Variants in NAALADL2 observed in about 807,000 individuals in gnomAD.
The protein encoded by NAALADL2 is N-acetylated alpha-linked acidic dipeptidase like 2.
A neutral mutation model predicts 87.2 loss-of-function variants in NAALADL2; 76 were observed. The observed-to-expected ratio is 0.87, with a 90% CI of 0.72 to 1.05. The LOEUF (loss-of-function observed/expected upper bound fraction) is 1.05, where lower values mean the gene tolerates loss of function less well. Ranked by LOEUF, NAALADL2 falls within the 50% of genes least tolerant of loss-of-function variation. The pLI is 0.00. For missense variants in NAALADL2, 1,089 were observed against 945.8 expected, an observed-to-expected ratio of 1.15 and a Z score of -1.99; for synonymous variants, 354 against 331.0, an observed-to-expected ratio of 1.07 and a Z score of -0.75.
chr3:175,699,105 T>C (rs758307703), intron 11 of NAALADL2, among the ~76,000 whole-genome samples: 6 of 151,944 alleles, frequency 3.9e-5, no homozygotes, highest in Non-Finnish European at 7.4e-5. Context: ...TCTAACTATG[T>C]GATTAAAAGT....
At chr3:175,731,154 G>T (rs368347207) in intron 11 of NAALADL2, among the ~76,000 whole-genome samples, 3 of 152,132 alleles carry the variant, frequency 2.0e-5, no homozygotes, top group African/African-American at 7.2e-5. Flanking sequence ...TCGTGTTATA[G>T]CAAAAAAAGT....
At chr3:175,343,704 TG>T (rs1248716785) in intron 5 of NAALADL2, among the ~76,000 whole-genome samples, 1 of 141,276 alleles carries the variant, frequency 7.1e-6, no homozygotes, top group Non-Finnish European at 1.5e-5. Context: ...ACTAGGAAAC[TG>T]GGGTTGGGAA....
At chr3:174,531,414 A>C (rs563202744) in intron 1 of NAALADL2, among the ~76,000 whole-genome samples, 1 of 152,254 alleles carries the variant, frequency 6.6e-6, no homozygotes, top group South Asian at 2.1e-4. Flanking sequence ...GTGCATCATC[A>C]TTATCATCAG....
At chr3:175,044,414 ATTTG>A (rs972019071) in intron 1 of NAALADL2, among the ~76,000 whole-genome samples, 4 of 151,986 alleles carry the variant, frequency 2.6e-5, no homozygotes, top group Non-Finnish European at 4.4e-5. Context: ...GTTGCATTAT[ATTTG>A]TTGAAATATT....
At chr3:175,129,260 A>G (rs1188970108) in intron 2 of NAALADL2, among the ~76,000 whole-genome samples, 1 of 152,080 alleles carries the variant, frequency 6.6e-6, no homozygotes, top group East Asian at 1.9e-4. Context: ...AGTCGAATTA[A>G]CACATCCATT....
chr3:174,988,243 T>G (rs557132141), intron 1 of NAALADL2, among the ~76,000 whole-genome samples: 1 of 152,266 alleles, frequency 6.6e-6, no homozygotes, highest in South Asian at 2.1e-4. Flanking sequence ...TTTTACTATT[T>G]TACAGTTGAA....
At chr3:175,623,819 C>G (rs1271507107) in intron 10 of NAALADL2, among the ~76,000 whole-genome samples, 1 of 151,894 alleles carries the variant, frequency 6.6e-6, no homozygotes, top group African/African-American at 2.4e-5. Context: ...CCTGAGTTCT[C>G]AAACATCTTT....
At chr3:175,468,102 A>G (rs1724355075) in intron 8 of NAALADL2, among the ~76,000 whole-genome samples, 1 of 152,142 alleles carries the variant, frequency 6.6e-6, no homozygotes, top group Non-Finnish European at 1.5e-5. Flanking sequence ...TCACTCAAAA[A>G]AGATAAAATA....
At chr3:175,517,543 TTTTAAA>T (rs1461571343) in intron 9 of NAALADL2, among the ~76,000 whole-genome samples, 1 of 152,186 alleles carries the variant, frequency 6.6e-6, no homozygotes, top group Non-Finnish European at 1.5e-5. Flanking sequence ...TTTTCTCCAA[TTTTAAA>T]TTTAAAGATT....
chr3:175,592,072 T>G (rs1281673060), intron 10 of NAALADL2, among the ~76,000 whole-genome samples: 1 of 152,012 alleles, frequency 6.6e-6, no homozygotes, highest in Non-Finnish European at 1.5e-5. Flanking sequence ...AATGCTATTC[T>G]TTCATAGTAA....
At chr3:174,850,433 T>C (rs942015613) in intron 3 of NAALADL2, among the ~76,000 whole-genome samples, 2 of 152,072 alleles carry the variant, frequency 1.3e-5, no homozygotes, top group South Asian at 4.1e-4. Context: ...ATAGAAAATA[T>C]ATTCAACGCT....
At chr3:175,265,177 AC>A (rs1751713957) in intron 4 of NAALADL2, among the ~76,000 whole-genome samples, 1 of 151,632 alleles carries the variant, frequency 6.6e-6, no homozygotes, top group South Asian at 2.1e-4. Flanking sequence ...AAATGGTAGA[AC>A]CCCTGCTCTG....
intron 3 of NAALADL2, among the ~76,000 whole-genome samples, chr3:174,831,371 G>A (rs1722669074): frequency 6.9e-6 from 1 of 145,650 alleles, no homozygotes; most frequent in Non-Finnish European, 1.5e-5. Flanking sequence ...AAAATCATGT[G>A]GTTTTTGTCT....
intron 1 of NAALADL2, among the ~76,000 whole-genome samples, chr3:175,029,565 G>T (rs189994432): frequency 6.6e-6 from 1 of 152,092 alleles, no homozygotes; most frequent in Admixed American, 6.6e-5. Flanking sequence ...ATGGAAAATG[G>T]CATCCCAGTT....
chr3:175,718,222 T>TGTTTTTTTTGTG, intron 11 of NAALADL2: 11 of 1,051,554 alleles, frequency 1.0e-5, no homozygotes, highest in East Asian at 5.1e-5. Flanking sequence ...TTTTTTTTTT[T>TGTTTTTTTTGTG]TGATTAGTTG....
intron 11 of NAALADL2, among the ~76,000 whole-genome samples, chr3:175,638,409 A>G (rs1249815649): frequency 1.3e-5 from 2 of 152,158 alleles, no homozygotes; most frequent in Admixed American, 6.5e-5. Context: ...GTTTATTCAC[A>G]TCCTTCAGAG....
intron 1 of NAALADL2, among the ~76,000 whole-genome samples, chr3:174,512,729 TCTG>T (rs1365270614): frequency 1.3e-5 from 2 of 152,114 alleles, no homozygotes; most frequent in African/African-American, 4.8e-5. Flanking sequence ...TCCTTCTTTC[TCTG>T]CTACCTCTTG....
At chr3:175,125,452 A>G (rs959468137) in intron 2 of NAALADL2, among the ~76,000 whole-genome samples, 2 of 152,050 alleles carry the variant, frequency 1.3e-5, no homozygotes, top group Non-Finnish European at 2.9e-5. Flanking sequence ...TCCAGATGGT[A>G]GATGATGGTG....
intron 11 of NAALADL2, among the ~76,000 whole-genome samples, chr3:175,701,419 C>T (rs1738980634): frequency 6.6e-6 from 1 of 152,084 alleles, no homozygotes; most frequent in African/African-American, 2.4e-5. Context: ...TGGGATCTGG[C>T]CATCGTCAAT....
Sources: gnomAD v4.1 joint callset for allele counts (sites outside exome capture counted in the v4.1 genomes callset) on GRCh38, gnomAD v4.1.1 for gene constraint, MANE v1.5 for transcripts, NCBI Gene and HGNC (gene_info 2026-07-23, HGNC 2026-07-21) for gene names.